EDARADD: variants seen among roughly 807,000 people sequenced by gnomAD.
EDARADD encodes the protein ectodysplasin-A receptor-associated adapter protein.
A neutral mutation model predicts 25.6 loss-of-function variants in EDARADD; 20 were observed. That is an observed-to-expected ratio of 0.78 (90% CI 0.55 to 1.14). The LOEUF (loss-of-function observed/expected upper bound fraction) is 1.14, where lower values mean the gene tolerates loss of function less well. Ranked by LOEUF, EDARADD falls within the 50% of genes most tolerant of loss-of-function variation. The probability of loss-of-function intolerance (pLI) is 0.00; values close to 1 mark genes in which losing one functional copy is unlikely to be tolerated. For missense variants in EDARADD, 225 were observed against 270.1 expected (o/e 0.83, Z 1.17); for synonymous variants, 86 against 94.4 (o/e 0.91, Z 0.52).
At chr1:236,389,817 T>C (rs996741939), upstream of EDARADD, among the ~76,000 whole-genome samples, 8 of 152,032 alleles carry the variant, frequency 5.3e-5, no homozygotes, top group Non-Finnish European at 1.0e-4. Context: ...GCCTAGGTAA[T>C]GTAGTGAGAC....
In EDARADD at chr1:236,364,144, A is replaced by G. The variant is rs1265316336; in HGVS notation, c.-6+13305A>G. On this transcript the variant is annotated intron_variant, in intron 3 of 7. Transcript: ENST00000439430. ...ATCTCAAAAAAATAAAAAATAAAAA[A>G]ATAAATTCCCCAGTCTTGATAGTAT... is the stretch of plus-strand genomic sequence containing the variant. Among the ~76,000 whole-genome samples, 6 of 152,260 alleles carry G rather than the reference A, an allele frequency of 3.9e-5. No individual in the cohort carries two copies. In the South Asian group the frequency reaches 1.2e-3, roughly 32 times the overall value.
intron 3 of EDARADD, among the ~76,000 whole-genome samples, chr1:236,373,261 AG>A (rs566677254): frequency 5.9e-5 from 9 of 151,450 alleles, no homozygotes; most frequent in African/African-American, 2.2e-4. Context: ...GCTGGAGTGC[AG>A]TGGTGCCATC....
intron 3 of EDARADD, among the ~76,000 whole-genome samples, chr1:236,372,412 G>T (rs1011961308): frequency 3.3e-5 from 5 of 152,110 alleles, no homozygotes; most frequent in Non-Finnish European, 7.4e-5. Context: ...GCATATCTGG[G>T]CTAAATCTGC....
At chr1:236,465,674 T>C (rs1238340496) in intron 4 of EDARADD, among the ~76,000 whole-genome samples, 2 of 152,164 alleles carry the variant, frequency 1.3e-5, no homozygotes, top group African/African-American at 2.4e-5. Context: ...AGGTCAAGGG[T>C]TCAGGTCATT....
intron 3 of EDARADD, among the ~76,000 whole-genome samples, chr1:236,358,200 C>G (rs558729041): frequency 3.1e-4 from 47 of 152,268 alleles, no homozygotes; most frequent in South Asian, 6.2e-4. Context: ...AATGACCAGT[C>G]TGCTTTTTGT....
At chr1:236,460,728 A>T (rs2103031850) in intron 4 of EDARADD, among the ~76,000 whole-genome samples, 1 of 152,286 alleles carries the variant, frequency 6.6e-6, no homozygotes, top group East Asian at 1.9e-4. Flanking sequence ...TGTTCCAAAG[A>T]GTTACACAGA....
At chr1:236,458,224 C>T (rs7512191) in intron 4 of EDARADD, among the ~76,000 whole-genome samples, 52,147 of 152,086 alleles carry the variant, frequency 0.34, 9,461 homozygotes, top group Non-Finnish European at 0.41. Context: ...GTTCACAGTG[C>T]GGCATTCAAA....
At chr1:236,428,686 C>CCTGACTGGGCAGCCAGG (rs1657999540) in intron 4 of EDARADD, among the ~76,000 whole-genome samples, 2 of 87,948 alleles carry the variant, frequency 2.3e-5, no homozygotes, top group Non-Finnish European at 6.1e-5. Flanking sequence ...TCCTCACTTC[C>CCTGACTGGGCAGCCAGG]CAGACTGGGC....
In EDARADD at chr1:236,482,430, A is replaced by C. The variant is rs199965336; in HGVS notation, c.429A>C (p.Ala143=). 6.2e-7 allele frequency: 1 copy of C among 1,614,218 alleles called. No individual in the cohort carries two copies. Among genetic ancestry groups the C allele is most frequent in the East Asian group, 2.2e-5 (1 of 44,890 alleles). ...HPTVKNWRNF[A]SKWGMSYDEL... is the part of the protein sequence containing the mutation. Reference sequence around the variant, plus strand: ...CGGTGAAAAACTGGAGGAATTTTGCAAGCAAATGGGGGATGTCCTATGACG... The same window carrying C: ...CGGTGAAAAACTGGAGGAATTTTGCCAGCAAATGGGGGATGTCCTATGACG... The change falls in exon 6 of 6, where the codon GCA becomes GCC. Residue 143 remains alanine (A), a synonymous_variant. Transcript: ENST00000334232.
chr1:236,422,020 CT>C (rs1278804556), intron 3 of EDARADD, among the ~76,000 whole-genome samples: 3 of 152,146 alleles, frequency 2.0e-5, no homozygotes, highest in East Asian at 1.9e-4. Flanking sequence ...AGGTGTCCCC[CT>C]GATGGCCAGT....
At chr1:236,433,745 C>T (rs2103019128) in intron 4 of EDARADD, among the ~76,000 whole-genome samples, 1 of 151,904 alleles carries the variant, frequency 6.6e-6, no homozygotes, top group East Asian at 1.9e-4. Context: ...TGGTGGGTGC[C>T]TGTTATCCCA....
chr1:236,476,829 A>G (rs925209038), intron 5 of EDARADD, among the ~76,000 whole-genome samples: 6 of 152,042 alleles, frequency 3.9e-5, no homozygotes, highest in Admixed American at 1.3e-4. Context: ...CCAGCCTACA[A>G]AAAGTTTTAA....
intron 3 of EDARADD, among the ~76,000 whole-genome samples, chr1:236,417,609 A>ATGGC (rs1479508400): frequency 2.6e-5 from 4 of 151,978 alleles, no homozygotes; most frequent in Non-Finnish European, 5.9e-5. Context: ...CTCTTTTCTG[A>ATGGC]TGGCTGTTCT....
intron 2 of EDARADD, 39 bp downstream of exon 2, chr1:236,409,313 T>A (rs1242643796): frequency 2.0e-6 from 3 of 1,519,964 alleles, no homozygotes. Flanking sequence ...ATAATTATTG[T>A]TTTGCTTTTT....
intron 4 of EDARADD, among the ~76,000 whole-genome samples, chr1:236,456,496 T>C (rs546273797): frequency 6.6e-6 from 1 of 152,340 alleles, no homozygotes; most frequent in South Asian, 2.1e-4. Flanking sequence ...GATAATGATC[T>C]GATTCTACCT....
intron 4 of EDARADD, among the ~76,000 whole-genome samples, chr1:236,428,594 GCGCTCCCCACATCCCAGACAT>G (rs1657993504): frequency 1.3e-4 from 19 of 151,430 alleles, no homozygotes; most frequent in African/African-American, 4.4e-4. Flanking sequence ...CCGGGCAGAG[GCGCTCCCCACATCCCAGACAT>G]GGGCGGCCGG....
chr1:236,401,888 A>T (rs1006589851), intron 1 of EDARADD, among the ~76,000 whole-genome samples: 5 of 152,234 alleles, frequency 3.3e-5, no homozygotes, highest in Admixed American at 3.3e-4. Context: ...ATTGGTGCCC[A>T]TATAAAAAGG....
intron 5 of EDARADD, 94 bp from the exon 6 acceptor site, chr1:236,482,173 T>G: frequency 3.4e-6 from 5 of 1,488,102 alleles, no homozygotes; most frequent in Non-Finnish European, 4.7e-6. Flanking sequence ...ATATGATGCT[T>G]TTGACAATTC....
chr1:236,363,006 A>AAAATATATATATATATATAT (rs1377112051), intron 3 of EDARADD, among the ~76,000 whole-genome samples: 3 of 42,942 alleles, frequency 7.0e-5, no homozygotes, highest in Admixed American at 3.5e-4. Context: ...AAAAAAAAAA[A>AAAATATATATATATATATAT]ATATATATAT....
Sources: gnomAD v4.1 joint callset for allele counts (sites outside exome capture counted in the v4.1 genomes callset) on GRCh38, gnomAD v4.1.1 for gene constraint, MANE v1.5 for transcripts, NCBI Gene and HGNC (gene_info 2026-07-23, HGNC 2026-07-21) for gene names.